CDH13: variants seen among roughly 807,000 people sequenced by gnomAD.
CDH13 encodes the protein cadherin-13.
In CDH13, 24 loss-of-function variants were observed where a neutral mutation model predicts 63.8. The ratio of observed to expected loss-of-function variants is 0.38; its 90% CI spans 0.27 to 0.53. CDH13 has a LOEUF of 0.53. CDH13 is among the 20% of genes least tolerant of loss of function. The pLI is 0.85. For missense variants in CDH13, 1,049 were observed against 903.1 expected (o/e 1.16, Z -2.07); for synonymous variants, 503 against 355.3 (o/e 1.42, Z -4.67).
At chr16:83,660,418 C>T (rs1247661520) in intron 8 of CDH13, among the ~76,000 whole-genome samples, 1 of 152,104 alleles carries the variant, frequency 6.6e-6, no homozygotes, top group Non-Finnish European at 1.5e-5. Flanking sequence ...GTTTGTGCTC[C>T]TATGAGAATC....
chr16:83,266,856 C>A (rs1205679936), intron 5 of CDH13, among the ~76,000 whole-genome samples: 1 of 152,182 alleles, frequency 6.6e-6, no homozygotes, highest in Admixed American at 6.5e-5. Flanking sequence ...ACTCACCATT[C>A]CTGGTCTCAA....
chr16:83,280,022 G>T (rs190320749), intron 5 of CDH13, among the ~76,000 whole-genome samples: 2 of 152,188 alleles, frequency 1.3e-5, no homozygotes, highest in Non-Finnish European at 2.9e-5. Context: ...TTGCCGCAAT[G>T]TTGATGGCTG....
chr16:83,055,513 G>A (rs1209618892), intron 3 of CDH13, among the ~76,000 whole-genome samples: 1 of 151,396 alleles, frequency 6.6e-6, no homozygotes, highest in African/African-American at 2.4e-5. Flanking sequence ...ATTAAAACTG[G>A]CAAATTCTGT....
chr16:83,095,202 G>A (rs2034133748), intron 3 of CDH13, among the ~76,000 whole-genome samples: 1 of 152,178 alleles, frequency 6.6e-6, no homozygotes, highest in Admixed American at 6.5e-5. Flanking sequence ...ATGACATCAT[G>A]GAATTGGAAG....
At chr16:82,895,413 G>T (rs184880969) in intron 2 of CDH13, among the ~76,000 whole-genome samples, 9 of 152,092 alleles carry the variant, frequency 5.9e-5, no homozygotes, top group South Asian at 4.2e-4. Context: ...CATTTCTTTA[G>T]TCTAACTTCC....
At chr16:83,511,094 A>ATGCACACG (rs61008181) in intron 7 of CDH13, among the ~76,000 whole-genome samples, 124,518 of 151,294 alleles carry the variant, frequency 0.82, 51,325 homozygotes, top group East Asian at 0.94. Context: ...GCACACACAC[A>ATGCACACG]TGCACACATG....
intron 1 of CDH13, among the ~76,000 whole-genome samples, chr16:82,673,766 C>T (rs1353488602): frequency 6.6e-6 from 1 of 152,162 alleles, no homozygotes; most frequent in East Asian, 1.9e-4. Flanking sequence ...AGAATGATTG[C>T]TCCACAACTT....
chr16:82,874,361 T>C (rs1597867370), intron 2 of CDH13, among the ~76,000 whole-genome samples: 1 of 152,282 alleles, frequency 6.6e-6, no homozygotes, highest in South Asian at 2.1e-4. Flanking sequence ...CGGCCACTTC[T>C]GGGAGCAGCA....
intron 1 of CDH13, among the ~76,000 whole-genome samples, chr16:82,709,366 C>T: frequency 6.6e-6 from 1 of 152,018 alleles, no homozygotes; most frequent in Non-Finnish European, 1.5e-5. Context: ...TAAAATAGAC[C>T]CAATTCTATG....
intron 6 of CDH13, among the ~76,000 whole-genome samples, chr16:83,362,409 T>A (rs991988929): frequency 1.3e-5 from 2 of 152,206 alleles, no homozygotes; most frequent in African/African-American, 2.4e-5. Context: ...GTGAAAGACA[T>A]TTAGACACCT....
At chr16:83,075,755 G>A (rs551828115) in intron 3 of CDH13, among the ~76,000 whole-genome samples, 4 of 152,286 alleles carry the variant, frequency 2.6e-5, no homozygotes, top group African/African-American at 9.6e-5. Flanking sequence ...ACTTTGACTT[G>A]TGCTTTGTGA....
chr16:82,885,173 A>G (rs926527092), intron 2 of CDH13, among the ~76,000 whole-genome samples: 2 of 152,242 alleles, frequency 1.3e-5, no homozygotes, highest in African/African-American at 4.8e-5. Flanking sequence ...ATGATAGTAT[A>G]TTATGAGCAC....
intron 3 of CDH13, among the ~76,000 whole-genome samples, chr16:83,033,719 C>T (rs748097474): frequency 3.3e-5 from 5 of 152,168 alleles, no homozygotes; most frequent in Non-Finnish European, 5.9e-5. Context: ...TTGTGCCATT[C>T]GGAGACTTTT....
At chr16:83,336,586 C>T (rs1426294341) in intron 5 of CDH13, among the ~76,000 whole-genome samples, 1 of 152,212 alleles carries the variant, frequency 6.6e-6, no homozygotes, top group African/African-American at 2.4e-5. Flanking sequence ...TGAAAACTTA[C>T]ATCTGAAAAT....
intron 4 of CDH13, among the ~76,000 whole-genome samples, chr16:83,193,382 C>A (rs991997655): frequency 6.6e-6 from 1 of 152,164 alleles, no homozygotes; most frequent in Non-Finnish European, 1.5e-5. Flanking sequence ...GAACTTGAAT[C>A]GCAAGCCCTG....
rs1311685008 is a variant in CDH13 at position 83,795,091 on chromosome 16, C to A, written c.*61C>A. On this transcript the variant is annotated 3_prime_UTR_variant, in exon 14 of 14. Transcript: ENST00000567109. ...CCATAGCAACAGGAAAAAAAAAAAT[C>A]TATCCAAATCTGAAGATTGCGGTTT... is the stretch of plus-strand genomic sequence containing the variant. The A allele has an allele frequency of 2.1e-5, 29 of 1,400,048 alleles. No individual in the cohort carries two copies. The highest frequency in any genetic ancestry group is 2.6e-5 in the Non-Finnish European group (27 of 1,018,992). 86.7% of individuals were successfully genotyped at this position (1,400,048 alleles called of 1,614,324 possible). A position where few individuals can be genotyped will look rare whatever the true frequency, so the allele number is the denominator to read the frequency against.
chr16:83,688,950 A>G (rs1490134391), intron 10 of CDH13, among the ~76,000 whole-genome samples: 1 of 152,186 alleles, frequency 6.6e-6, no homozygotes, highest in Non-Finnish European at 1.5e-5. Context: ...TGGCTTTTAT[A>G]ATGATCCAGA....
At chr16:83,761,700 C>T (rs1284949113) in intron 11 of CDH13, among the ~76,000 whole-genome samples, 3 of 152,134 alleles carry the variant, frequency 2.0e-5, no homozygotes, top group South Asian at 2.1e-4. Flanking sequence ...ACAGGGAAAC[C>T]TTTAGGCGGA....
At chr16:83,029,440 C>T (rs1916106290) in intron 2 of CDH13, among the ~76,000 whole-genome samples, 1 of 152,140 alleles carries the variant, frequency 6.6e-6, no homozygotes, top group Admixed American at 6.5e-5. Flanking sequence ...GATAAAGAGA[C>T]TCAATACAGC....
Sources: gnomAD v4.1 joint callset for allele counts (sites outside exome capture counted in the v4.1 genomes callset) on GRCh38, gnomAD v4.1.1 for gene constraint, MANE v1.5 for transcripts, NCBI Gene and HGNC (gene_info 2026-07-23, HGNC 2026-07-21) for gene names.